The following NT5DC3 variants were observed in gnomAD, a reference collection of about 807,000 sequenced individuals.
The protein encoded by NT5DC3 is 5'-nucleotidase domain-containing protein 3.
In NT5DC3, 42 loss-of-function variants were observed where a neutral mutation model predicts 67.8. The ratio of observed to expected loss-of-function variants is 0.62; its 90% confidence interval spans 0.48 to 0.80. NT5DC3 has a LOEUF of 0.80. Among genes scored for constraint, NT5DC3 ranks in the 30% least tolerant of loss-of-function variants. The pLI, the probability that NT5DC3 is intolerant of heterozygous loss-of-function variation, is 0.00. For missense variants in NT5DC3, 570 were observed against 696.4 expected, an observed-to-expected ratio of 0.82 and a Z score of 2.04; for synonymous variants, 237 against 255.6, an observed-to-expected ratio of 0.93 and a Z score of 0.69.
intron 1 of NT5DC3, among the ~76,000 whole-genome samples, chr12:103,819,124 A>G (rs1887387131): frequency 6.6e-6 from 1 of 152,228 alleles, no homozygotes; most frequent in East Asian, 1.9e-4. Context: ...GCACATCTCC[A>G]AAAGCTGCAT....
chr12:103,814,157 C>T (rs1171775254), intron 2 of NT5DC3, among the ~76,000 whole-genome samples: 3 of 152,220 alleles, frequency 2.0e-5, no homozygotes, highest in Admixed American at 6.5e-5. Context: ...TCATCTTTAT[C>T]TTCCCAGCTT....
At chr12:103,787,590 C>G in intron 10 of NT5DC3, 63 bp from the exon 11 acceptor site, 1 of 931,096 alleles carries the variant, frequency 1.1e-6, no homozygotes, top group Non-Finnish European at 1.6e-6. Context: ...ACCCACAGTA[C>G]AAAATATAAA....
chr12:103,781,700 G>C (rs1295818351), intron 12 of NT5DC3, among the ~76,000 whole-genome samples: 1 of 152,270 alleles, frequency 6.6e-6, no homozygotes, highest in South Asian at 2.1e-4. Context: ...AGAGCCTCTG[G>C]TTCTGAAATC....
At chr12:103,812,265 A>G (rs1887064906) in intron 2 of NT5DC3, among the ~76,000 whole-genome samples, 1 of 152,240 alleles carries the variant, frequency 6.6e-6, no homozygotes, top group Admixed American at 6.5e-5. Context: ...AACTACACAA[A>G]GTGCATCGGT....
chr12:103,794,148 CTTCTTT>C, intron 6 of NT5DC3, 151 bp from the exon 7 acceptor site: 2 of 488,424 alleles, frequency 4.1e-6, no homozygotes, highest in South Asian at 2.4e-5. Flanking sequence ...CCATTTTCTT[CTTCTTT>C]TTTTTTTTTT....
intron 12 of NT5DC3, 71 bp from the exon 13 acceptor site, chr12:103,780,435 T>G: frequency 7.1e-7 from 1 of 1,398,978 alleles, no homozygotes; most frequent in Non-Finnish European, 1.0e-6. Flanking sequence ...GAGAATTTTT[T>G]AATGAGCAGT....
the NT5DC3 span, chr12:103,755,341 GGGCGGGTTGCCT>G: frequency 6.2e-7 from 1 of 1,614,098 alleles, no homozygotes; most frequent in South Asian, 1.1e-5. Flanking sequence ...GCTGGAGACC[GGGCGGGTTGCCT>G]ACCCCACAGC....
intron 12 of NT5DC3, among the ~76,000 whole-genome samples, chr12:103,781,495 C>T (rs948071324): frequency 6.6e-6 from 1 of 152,228 alleles, no homozygotes; most frequent in African/African-American, 2.4e-5. Flanking sequence ...GGCTGGGGCG[C>T]CCTGCTGGCT....
chr12:103,766,193 A>C, downstream of NT5DC3: 2 of 1,502,806 alleles, frequency 1.3e-6, no homozygotes, highest in Non-Finnish European at 1.9e-6. Context: ...GTGCTCAGGG[A>C]GAGTCATGCC....
At chr12:103,753,070 G>A in the NT5DC3 span, 12 of 800,104 alleles carry the variant, frequency 1.5e-5, no homozygotes, top group East Asian at 3.3e-4. Flanking sequence ...TTTAAATGAT[G>A]TACTTCAACA....
intron 2 of NT5DC3, among the ~76,000 whole-genome samples, chr12:103,809,714 C>T (rs1191120082): frequency 6.6e-6 from 1 of 152,176 alleles, no homozygotes; most frequent in Admixed American, 6.5e-5. Flanking sequence ...CAATTGCCTC[C>T]CACCAGGTCC....
chr12:103,761,633 T>A, the NT5DC3 span, among the ~76,000 whole-genome samples: 5 of 151,896 alleles, frequency 3.3e-5, no homozygotes, highest in East Asian at 9.7e-4. Context: ...ACCATTAATA[T>A]CTGTTGAATG....
At chr12:103,778,272 T>C (rs2139297476) in intron 13 of NT5DC3, among the ~76,000 whole-genome samples, 191 bp from the exon 14 acceptor site, 1 of 152,194 alleles carries the variant, frequency 6.6e-6, no homozygotes, top group South Asian at 2.1e-4. Flanking sequence ...GGCTCACATC[T>C]GTAATCCCAG....
intron 6 of NT5DC3, 134 bp from the exon 7 acceptor site, chr12:103,794,131 T>C: frequency 1.6e-6 from 1 of 615,112 alleles, no homozygotes. Flanking sequence ...AAAATCTAAA[T>C]TCTGGTCCAT....
chr12:103,832,175 TG>T (rs1173368254), intron 1 of NT5DC3, among the ~76,000 whole-genome samples: 1 of 152,022 alleles, frequency 6.6e-6, no homozygotes, highest in Non-Finnish European at 1.5e-5. Context: ...TTTCAGCGTG[TG>T]GGTATTCTAT....
In NT5DC3 at chr12:103,774,200, C is replaced by A. The variant is rs1330620169; in HGVS notation, c.*3629G>T. 6.6e-6 allele frequency: 1 copy of A among 152,224 alleles called. No individual in the cohort carries two copies. The highest frequency in any genetic ancestry group is 1.5e-5 in the Non-Finnish European group (1 of 68,038). The allele number at this position is 152,224 out of a possible 1,614,324, so 9.4% of individuals were successfully genotyped here. On this transcript the variant is annotated 3_prime_UTR_variant, in exon 14 of 14. Coordinates refer to ENST00000392876, the MANE Select transcript of NT5DC3 (RefSeq NM_001031701.3). ...GCTGCCCTGGACTCATCATTGTTCA[C>A]ATAATTCTTAGAAAATCAGTCAAAC...
rs189794212 is a variant in NT5DC3, at chr12:103,814,619, A to G, written c.393+318T>C. Among the ~76,000 whole-genome samples the G allele has an allele frequency of 2.7e-3, 405 of 152,370 alleles. 2 individuals are homozygous for G. Among genetic ancestry groups the G allele is most frequent in the Non-Finnish European group, 2.7e-3 (186 of 68,036 alleles). ...AGGAATTCCTCCTAACCAGAATTCA[A>G]CAGGCAGGCTGCCAATTCATCAAGC... On this transcript the variant is annotated intron_variant, in intron 2 of 13. Coordinates refer to ENST00000392876, the MANE Select transcript of NT5DC3 (RefSeq NM_001031701.3).
intron 1 of NT5DC3, among the ~76,000 whole-genome samples, chr12:103,833,091 C>T (rs1888000248): frequency 6.6e-6 from 1 of 152,196 alleles, no homozygotes; most frequent in Admixed American, 6.5e-5. Context: ...ATTATTATAA[C>T]TTCCCAAGTA....
At chr12:103,772,155 T>A (rs919708994), downstream of NT5DC3, among the ~76,000 whole-genome samples, 1 of 152,140 alleles carries the variant, frequency 6.6e-6, no homozygotes, top group Non-Finnish European at 1.5e-5. Flanking sequence ...CCTTAGAATT[T>A]TTTTTAATCC....
Sources: gnomAD v4.1 joint callset for allele counts (sites outside exome capture counted in the v4.1 genomes callset) on GRCh38, gnomAD v4.1.1 for gene constraint, MANE v1.5 for transcripts, NCBI Gene and HGNC (gene_info 2026-07-23, HGNC 2026-07-21) for gene names.